Variants in SYNPR observed in about 807,000 individuals in gnomAD.
SYNPR encodes synaptoporin.
In SYNPR, 23 loss-of-function variants were observed where a neutral mutation model predicts 32.9. The ratio of observed to expected loss-of-function variants is 0.70; its 90% CI spans 0.50 to 0.99. The LOEUF (loss-of-function observed/expected upper bound fraction) is 0.99. Ranked by LOEUF, SYNPR falls within the 50% of genes least tolerant of loss-of-function variation. The pLI is 0.00. For missense variants in SYNPR, 318 were observed against 349.3 expected, an observed-to-expected ratio of 0.91 and a Z score of 0.71; for synonymous variants, 146 against 135.9, an observed-to-expected ratio of 1.07 and a Z score of -0.52.
At chr3:63,323,472 G>T (rs1046620135) in intron 2 of SYNPR, among the ~76,000 whole-genome samples, 2 of 152,064 alleles carry the variant, frequency 1.3e-5, no homozygotes, top group African/African-American at 2.4e-5. Flanking sequence ...TCATTACTTA[G>T]TTGATAAGAT....
chr3:63,610,459 C>T, intron 5 of SYNPR: 1 of 694,004 alleles, frequency 1.4e-6, no homozygotes, highest in Non-Finnish European at 2.6e-6. Flanking sequence ...TCAAGATTAA[C>T]CTGTGTTTCT....
chr3:63,429,711 C>A (rs17394121), intron 2 of SYNPR, among the ~76,000 whole-genome samples: 1 of 152,096 alleles, frequency 6.6e-6, no homozygotes, highest in Non-Finnish European at 1.5e-5. Context: ...CAGAATGCAA[C>A]GACATCCTCA....
At chr3:63,471,605 G>C (rs1340915749) in intron 2 of SYNPR, among the ~76,000 whole-genome samples, 1 of 152,234 alleles carries the variant, frequency 6.6e-6, no homozygotes, top group Non-Finnish European at 1.5e-5. Context: ...TCCTGTATAG[G>C]GAGTGGAGCA....
chr3:63,468,333 A>T (rs1262319595), intron 2 of SYNPR, among the ~76,000 whole-genome samples: 2 of 152,156 alleles, frequency 1.3e-5, no homozygotes, highest in East Asian at 3.8e-4. Context: ...AAATCTTTAG[A>T]CACATTTATT....
chr3:63,532,168 A>G (rs984825071), intron 3 of SYNPR, among the ~76,000 whole-genome samples: 3 of 152,218 alleles, frequency 2.0e-5, no homozygotes, highest in Non-Finnish European at 2.9e-5. Context: ...TATTCTATCA[A>G]ATTAAACCAT....
intron 2 of SYNPR, among the ~76,000 whole-genome samples, chr3:63,457,050 A>T (rs1700495962): frequency 6.6e-6 from 1 of 152,048 alleles, no homozygotes; most frequent in Non-Finnish European, 1.5e-5. Flanking sequence ...CGCTGTATAT[A>T]GTCATAAGCT....
chr3:63,489,636 C>A (rs550676713), intron 3 of SYNPR, among the ~76,000 whole-genome samples: 15 of 152,236 alleles, frequency 9.9e-5, no homozygotes, highest in Admixed American at 7.9e-4. Flanking sequence ...GTGAAGTAGA[C>A]ACGACTGCTT....
At chr3:63,322,286 G>A (rs1452603387) in intron 2 of SYNPR, among the ~76,000 whole-genome samples, 1 of 152,192 alleles carries the variant, frequency 6.6e-6, no homozygotes, top group Non-Finnish European at 1.5e-5. Flanking sequence ...AGAGGAGGAA[G>A]ACATACACAT....
At chr3:63,390,271 C>CA (rs2088114291) in intron 2 of SYNPR, among the ~76,000 whole-genome samples, 1 of 152,118 alleles carries the variant, frequency 6.6e-6, no homozygotes, top group Non-Finnish European at 1.5e-5. Context: ...TTAGCAAGCC[C>CA]AAATAGCAAG....
At chr3:63,220,385 G>A in the SYNPR span, among the ~76,000 whole-genome samples, 18 of 152,128 alleles carry the variant, frequency 1.2e-4, no homozygotes, top group East Asian at 1.9e-4. Flanking sequence ...TAACTGATAG[G>A]CTGGTTACTA....
chr3:63,280,591 C>T (rs1694105458), intron 2 of SYNPR, among the ~76,000 whole-genome samples: 1 of 152,000 alleles, frequency 6.6e-6, no homozygotes, highest in South Asian at 2.1e-4. Context: ...CGTATTTATT[C>T]CTTCCTCTTT....
intron 4 of SYNPR, among the ~76,000 whole-genome samples, chr3:63,568,495 G>A (rs1702832318): frequency 6.6e-6 from 1 of 152,148 alleles, no homozygotes; most frequent in African/African-American, 2.4e-5. Context: ...TATAGTCCTG[G>A]CGGATGGTCA....
chr3:63,326,608 A>G (rs1394384171), intron 2 of SYNPR, among the ~76,000 whole-genome samples: 1 of 152,140 alleles, frequency 6.6e-6, no homozygotes, highest in Non-Finnish European at 1.5e-5. Flanking sequence ...CTGAGTGTCC[A>G]GTCTTATCTA....
intron 4 of SYNPR, among the ~76,000 whole-genome samples, chr3:63,560,722 A>T (rs1011433590): frequency 6.6e-6 from 1 of 152,178 alleles, no homozygotes; most frequent in African/African-American, 2.4e-5. Flanking sequence ...AGAGAGAAGA[A>T]GTGAGCAAGT....
At chr3:63,601,893 T>C (rs911155351) in intron 4 of SYNPR, among the ~76,000 whole-genome samples, 6 of 152,214 alleles carry the variant, frequency 3.9e-5, no homozygotes, top group Non-Finnish European at 7.3e-5. Context: ...TTTTAGCTCT[T>C]TGAGGAATCA....
intron 2 of SYNPR, among the ~76,000 whole-genome samples, chr3:63,405,065 C>A (rs1901304): frequency 0.56 from 85,510 of 151,916 alleles, 25,831 homozygotes; most frequent in African/African-American, 0.81. Flanking sequence ...AACAATCCAT[C>A]CCATTATTTG....
chr3:63,477,679 G>A (rs1575665174), intron 2 of SYNPR, among the ~76,000 whole-genome samples: 1 of 152,172 alleles, frequency 6.6e-6, no homozygotes, highest in South Asian at 2.1e-4. Context: ...AGGGTTAGCA[G>A]CTTAACTCTA....
intron 2 of SYNPR, among the ~76,000 whole-genome samples, chr3:63,399,959 C>T (rs1037379332): frequency 4.6e-5 from 7 of 152,206 alleles, no homozygotes; most frequent in African/African-American, 1.4e-4. Context: ...AAAAGAAAAG[C>T]GCCTACAACA....
chr3:63,589,584 G>A (rs1428652727), intron 4 of SYNPR, among the ~76,000 whole-genome samples: 5 of 150,782 alleles, frequency 3.3e-5, no homozygotes, highest in African/African-American at 1.2e-4. Flanking sequence ...GAATCCAGCA[G>A]CACATCAAAA....
Sources: gnomAD v4.1 joint callset for allele counts (sites outside exome capture counted in the v4.1 genomes callset) on GRCh38, gnomAD v4.1.1 for gene constraint, MANE v1.5 for transcripts, NCBI Gene and HGNC (gene_info 2026-07-23, HGNC 2026-07-21) for gene names.